The following LRRC4C variants were observed in gnomAD, a reference collection of about 807,000 sequenced individuals.
LRRC4C encodes leucine rich repeat containing 4C, also known as leucine-rich repeat-containing protein 4C.
A neutral mutation model predicts 33.6 loss-of-function variants in LRRC4C; 5 were observed. The observed-to-expected ratio is 0.15, with a 90% confidence interval of 0.08 to 0.31. The LOEUF is 0.31. Ranked by LOEUF, LRRC4C falls within the 10% of genes least tolerant of loss-of-function variation. The pLI, the probability that LRRC4C is intolerant of heterozygous loss-of-function variation, is 1.00. For synonymous variants in LRRC4C, 329 were observed against 302.0 expected, an observed-to-expected ratio of 1.09 and a Z score of -0.93; for missense variants, 560 against 796.7, an observed-to-expected ratio of 0.70 and a Z score of 3.58.
chr11:41,155,487 T>C (rs935637883), intron 1 of LRRC4C, among the ~76,000 whole-genome samples: 1 of 152,146 alleles, frequency 6.6e-6, no homozygotes, highest in Non-Finnish European at 1.5e-5. Flanking sequence ...GAATCAATGA[T>C]ACGAAACGTT....
chr11:40,865,558 G>C (rs1004663232), intron 2 of LRRC4C, among the ~76,000 whole-genome samples: 1 of 150,578 alleles, frequency 6.6e-6, no homozygotes, highest in East Asian at 1.9e-4. Context: ...TGTTGTATGT[G>C]ATGAATATGT....
chr11:40,610,091 T>C (rs1006207147), intron 3 of LRRC4C, among the ~76,000 whole-genome samples: 12 of 151,830 alleles, frequency 7.9e-5, no homozygotes, highest in African/African-American at 2.7e-4. Flanking sequence ...GAAAAAACTA[T>C]AGCCAAACAT....
intron 3 of LRRC4C, among the ~76,000 whole-genome samples, chr11:40,501,817 T>C (rs1774115303): frequency 6.6e-6 from 1 of 152,202 alleles, no homozygotes; most frequent in South Asian, 2.1e-4. Context: ...TCTGTGTTAC[T>C]TATGCAAGTT....
intron 3 of LRRC4C, among the ~76,000 whole-genome samples, chr11:40,373,039 C>T (rs976722429): frequency 7.9e-5 from 12 of 152,182 alleles, no homozygotes; most frequent in African/African-American, 2.4e-4. Flanking sequence ...TGAGCTAGTT[C>T]TTCCTATGCA....
intron 4 of LRRC4C, among the ~76,000 whole-genome samples, chr11:40,250,402 C>T (rs749268114): frequency 2.0e-5 from 3 of 151,996 alleles, no homozygotes; most frequent in South Asian, 4.1e-4. Context: ...CTGTGCTTAC[C>T]GGGCAGCAGT....
chr11:40,380,384 G>A (rs1190253013), intron 3 of LRRC4C, among the ~76,000 whole-genome samples: 1 of 152,114 alleles, frequency 6.6e-6, no homozygotes, highest in Non-Finnish European at 1.5e-5. Context: ...ATTGTGCCTG[G>A]GGAAAATCTG....
At chr11:40,990,093 C>T (rs1853402764) in intron 1 of LRRC4C, among the ~76,000 whole-genome samples, 1 of 150,622 alleles carries the variant, frequency 6.6e-6, no homozygotes, top group South Asian at 2.1e-4. Context: ...TGGAACTAAT[C>T]CCCCAAGGAT....
intron 4 of LRRC4C, among the ~76,000 whole-genome samples, chr11:40,242,067 C>T (rs543693774): frequency 2.0e-5 from 3 of 152,284 alleles, no homozygotes; most frequent in Non-Finnish European, 4.4e-5. Flanking sequence ...CTGGAAGGCT[C>T]CTTGCCTGGA....
At chr11:40,658,221 C>A (rs928161746) in intron 2 of LRRC4C, among the ~76,000 whole-genome samples, 2 of 152,102 alleles carry the variant, frequency 1.3e-5, no homozygotes, top group African/African-American at 2.4e-5. Flanking sequence ...GGCTTCAAAC[C>A]TTTATGTAGA....
chr11:41,170,030 G>A (rs1285563822), intron 1 of LRRC4C, among the ~76,000 whole-genome samples: 2 of 152,042 alleles, frequency 1.3e-5, no homozygotes, highest in African/African-American at 4.8e-5. Flanking sequence ...ACAATGTGAT[G>A]AAGGATAAAT....
intron 3 of LRRC4C, among the ~76,000 whole-genome samples, chr11:40,552,262 T>C (rs914529301): frequency 6.6e-6 from 1 of 152,182 alleles, no homozygotes; most frequent in Non-Finnish European, 1.5e-5. Context: ...TATGAATACA[T>C]CATTAAAGTG....
intron 1 of LRRC4C, among the ~76,000 whole-genome samples, chr11:41,184,253 G>A (rs966834303): frequency 2.0e-5 from 3 of 149,512 alleles, no homozygotes; most frequent in African/African-American, 7.5e-5. Flanking sequence ...TTCAGAAAAT[G>A]CGTTTTTTTT....
intron 1 of LRRC4C, among the ~76,000 whole-genome samples, chr11:41,060,329 T>C (rs559408157): frequency 2.6e-5 from 4 of 152,208 alleles, no homozygotes; most frequent in Admixed American, 6.5e-5. Context: ...TTCAAAACAC[T>C]TGTATTAGTC....
intron 3 of LRRC4C, among the ~76,000 whole-genome samples, chr11:40,337,760 A>T (rs768330674): frequency 2.0e-5 from 3 of 152,126 alleles, no homozygotes; most frequent in Non-Finnish European, 2.9e-5. Flanking sequence ...TTTGTCGTAC[A>T]GATTATTTCA....
intron 1 of LRRC4C, among the ~76,000 whole-genome samples, chr11:41,112,130 C>A (rs535540528): frequency 8.5e-5 from 13 of 152,140 alleles, no homozygotes; most frequent in African/African-American, 3.1e-4. Flanking sequence ...GTAAATGAAT[C>A]CAGGATGCCA....
intron 1 of LRRC4C, among the ~76,000 whole-genome samples, chr11:41,236,758 G>C (rs1309710273): frequency 6.6e-6 from 1 of 152,112 alleles, no homozygotes; most frequent in Non-Finnish European, 1.5e-5. Context: ...CTGTGGAAAA[G>C]GCAAACCCAC....
chr11:40,878,416 C>T (rs1191016964), intron 2 of LRRC4C, among the ~76,000 whole-genome samples: 2 of 152,202 alleles, frequency 1.3e-5, no homozygotes, highest in African/African-American at 4.8e-5. Flanking sequence ...CAAGCACTAG[C>T]ATCACCGTCT....
chr11:41,241,621 A>G (rs1565510282), intron 1 of LRRC4C, among the ~76,000 whole-genome samples: 2 of 152,142 alleles, frequency 1.3e-5, no homozygotes, highest in African/African-American at 2.4e-5. Flanking sequence ...AATTTTACCA[A>G]TATCTATCAT....
At chr11:40,747,891 G>GT (rs1216528789) in intron 2 of LRRC4C, among the ~76,000 whole-genome samples, 2 of 152,088 alleles carry the variant, frequency 1.3e-5, no homozygotes, top group Non-Finnish European at 2.9e-5. Context: ...TGAGCAAAGT[G>GT]TTTGTGACAT....
Sources: gnomAD v4.1 joint callset for allele counts (sites outside exome capture counted in the v4.1 genomes callset) on GRCh38, gnomAD v4.1.1 for gene constraint, MANE v1.5 for transcripts, NCBI Gene and HGNC (gene_info 2026-07-23, HGNC 2026-07-21) for gene names.